TMEM214: variants seen among roughly 807,000 people sequenced by gnomAD.
TMEM214 encodes transmembrane protein 214.
In TMEM214, 71 loss-of-function variants were observed where a neutral mutation model predicts 89.8. The ratio of observed to expected loss-of-function variants is 0.79; its 90% confidence interval spans 0.65 to 0.96. The LOEUF (loss-of-function observed/expected upper bound fraction) is 0.96, where lower values mean the gene tolerates loss of function less well. TMEM214 is among the 40% of genes least tolerant of loss of function. The pLI is 0.00. For missense variants in TMEM214, 754 were observed against 843.4 expected, an observed-to-expected ratio of 0.89 and a Z score of 1.31; for synonymous variants, 332 against 349.5, an observed-to-expected ratio of 0.95 and a Z score of 0.56.
chr2:27,034,440 A>G, intron 2 of TMEM214, 174 bp downstream of exon 2: 2 of 707,540 alleles, frequency 2.8e-6, no homozygotes, highest in Non-Finnish European at 4.6e-6. Context: ...GCCTGCACTT[A>G]GAATAGAAAG....
chr2:27,037,213 G>C lies in TMEM214; in HGVS notation c.1010+35G>C, dbSNP rs559447754. 6.0e-6 allele frequency: 9 copies of C among 1,494,540 alleles called. 1 individual carries two copies. The South Asian group carries it at 9.0e-5, about 15-fold the overall frequency. The allele number at this position is 1,494,540 out of a possible 1,614,324, so 92.6% of individuals were successfully genotyped here. ...CTCTGGGGCACACCTGCTGAGAAGG[G>C]ACCACAGCACCAGAACCACACTACA... On this transcript the variant is annotated intron_variant, in intron 8 of 16. Coordinates refer to ENST00000238788, the MANE Select transcript of TMEM214 (RefSeq NM_017727.5).
chr2:27,035,950 G>C lies in TMEM214; in HGVS notation c.638-20G>C. On this transcript the variant is annotated intron_variant, in intron 4 of 16. Transcript: ENST00000238788. ...GATGCCAAATAATGTGAGTAGGTGTGAGAATGTGTATCTCTCCAGGGGAGT... is the reference window on the plus strand; with the variant it reads ...GATGCCAAATAATGTGAGTAGGTGTCAGAATGTGTATCTCTCCAGGGGAGT... 1 of 1,613,268 alleles carries C rather than the reference G, an allele frequency of 6.2e-7. No individual in the cohort carries two copies. The highest frequency in any genetic ancestry group is 1.1e-5 in the South Asian group (1 of 91,070).
Position 27,032,969 on chromosome 2 carries a change from C to T in TMEM214, c.-47C>T, listed in dbSNP as rs918569225. Reference sequence around the variant, plus strand: ...GTGGCAGAGTGCGGCGCGCTCGCGCCGGACCGGAAAGCCGGGGAAGTGGCC... The same window carrying T: ...GTGGCAGAGTGCGGCGCGCTCGCGCTGGACCGGAAAGCCGGGGAAGTGGCC... On this transcript the variant is annotated 5_prime_UTR_variant, in exon 1 of 17. Coordinates refer to ENST00000238788, the MANE Select transcript of TMEM214 (RefSeq NM_017727.5). The T allele has an allele frequency of 1.6e-6, 2 of 1,242,382 alleles. No individual in the cohort carries two copies. Among genetic ancestry groups the T allele is most frequent in the African/African-American group, 3.1e-5 (2 of 64,286 alleles). The allele number at this position is 1,242,382 out of a possible 1,614,324, so 77.0% of individuals were successfully genotyped here.
Position 27,035,586 on chromosome 2 carries a change from G to A in TMEM214, c.503-8G>A. 1 of 1,614,100 alleles carries A rather than the reference G, an allele frequency of 6.2e-7. No individual in the cohort carries two copies. Among genetic ancestry groups the A allele is most frequent in the African/African-American group, 1.3e-5 (1 of 75,026 alleles). On this transcript the variant is annotated splice_polypyrimidine_tract_variant and splice_region_variant and intron_variant, in intron 3 of 16. Transcript: ENST00000238788. ...CCTAGCACTCACATTGAGGCCTATG[G>A]GCCTTAGATTATCCCTACAGCCTGG...
At position 27,040,919 on chromosome 2, in the gene TMEM214, G is replaced by C. The variant is rs2148251565; in HGVS notation, c.*82G>C. 2 of 1,555,252 alleles carry C rather than the reference G, an allele frequency of 1.3e-6. No homozygotes were observed. Among genetic ancestry groups the C allele is most frequent in the Non-Finnish European group, 1.8e-6 (2 of 1,142,752 alleles). The stretch of plus-strand genomic sequence containing the variant: ...GGTAGAAGGTGGCAGTTCTTCATGG[G>C]AGTCTTTTTAACTTGGTGCCTGAGT... On this transcript the variant is annotated 3_prime_UTR_variant, in exon 17 of 17. Coordinates refer to ENST00000238788, the MANE Select transcript of TMEM214 (RefSeq NM_017727.5).
At chr2:27,035,902 C>A in intron 4 of TMEM214, 68 bp from the exon 5 acceptor site, 1 of 1,593,458 alleles carries the variant, frequency 6.3e-7, no homozygotes, top group Non-Finnish European at 8.6e-7. Context: ...TCACCGCTGA[C>A]AAATGGGAGA....
intron 2 of TMEM214, 62 bp downstream of exon 2, chr2:27,034,328 A>C: frequency 6.4e-7 from 1 of 1,555,026 alleles, no homozygotes; most frequent in African/African-American, 1.4e-5. Flanking sequence ...AGAAGATGAG[A>C]GGAGGGGGAG....
rs757548369 is a variant in TMEM214, at chr2:27,037,679, T to C, written c.1129T>C (p.Cys377Arg). ...TTTCCTGTCCAGAGCCACCCCTAGCTGTCCCCCTGAGATGAAGAAAGAGGT... is the reference window on the plus strand; with the variant it reads ...TTTCCTGTCCAGAGCCACCCCTAGCCGTCCCCCTGAGATGAAGAAAGAGGT... The part of the protein sequence containing the change: ...PSFLSRATPS[C>R]PPEMKKELLS... Residue 377 changes from cysteine to arginine, a missense_variant, in exon 9 of 17, where the codon TGT becomes CGT. By Grantham distance (180) the Cys-to-Arg change is radical. Transcript: ENST00000238788. The C allele has an allele frequency of 3.3e-5, 53 of 1,614,058 alleles. No individual in the cohort carries two copies. Among genetic ancestry groups the C allele is most frequent in the Non-Finnish European group, 4.2e-5 (49 of 1,180,040 alleles).
rs1186484587 is a variant in TMEM214, at chr2:27,039,085, G to A, written c.1446G>A (p.Trp482Ter). ...AGGTTCAGGGTCCTCGGCTGCCCTG[G>A]ACGCGGCTCCTCCTGTTGCTGCTGG... is the stretch of plus-strand genomic sequence containing the variant. ...LQQVQGPRLPWTRLLLLLLVF... is the reference protein window; with the variant it reads ...LQQVQGPRLP Residue 482 changes from tryptophan (W) to a stop codon, truncating the protein, a stop_gained, in exon 13 of 17, where the codon TGG becomes TGA. Transcript: ENST00000238788. LOFTEE classifies it high-confidence loss of function. 6.2e-7 allele frequency: 1 copy of A among 1,613,856 alleles called. No individual in the cohort carries two copies. The highest frequency in any genetic ancestry group is 1.7e-5 in the Admixed American group (1 of 60,030).
At chr2:27,033,285 G>C in intron 1 of TMEM214, 119 bp downstream of exon 1, 2 of 1,049,848 alleles carry the variant, frequency 1.9e-6, no homozygotes, top group Non-Finnish European at 1.2e-6. Flanking sequence ...CGCTTGCGTT[G>C]TCTCTTTGGA....
intron 7 of TMEM214, 72 bp from the exon 8 acceptor site, chr2:27,037,005 T>G: frequency 7.2e-7 from 1 of 1,390,224 alleles, no homozygotes; most frequent in Non-Finnish European, 1.0e-6. Context: ...GATGTTGGCT[T>G]AGCTGGGGTC....
intron 16 of TMEM214, 78 bp downstream of exon 16, chr2:27,040,574 C>T: frequency 1.3e-6 from 2 of 1,588,158 alleles, no homozygotes; most frequent in Admixed American, 1.7e-5. Context: ...CATCTCTATC[C>T]AGTCTCCCAC....
intron 1 of TMEM214, among the ~76,000 whole-genome samples, chr2:27,033,538 C>A (rs1003734966): frequency 1.3e-5 from 2 of 152,140 alleles, no homozygotes; most frequent in Admixed American, 6.5e-5. Context: ...ACGGTGCCCC[C>A]TCTTTAAGTA....
At position 27,033,131 on chromosome 2, in the gene TMEM214, G is replaced by T; in HGVS notation, c.116G>T (p.Gly39Val). The part of the protein sequence containing the change: ...RGGGRNRRAL[G>V]EANGVWKYDL... ...GGCGGCAGGAACCGCAGGGCGCTCGGGGAAGCAAACGGAGTGTGGAAATAC... is the reference window on the plus strand; with the variant it reads ...GGCGGCAGGAACCGCAGGGCGCTCGTGGAAGCAAACGGAGTGTGGAAATAC... The change falls in exon 1 of 17, where the codon GGG (glycine) becomes GTG (valine). Residue 39 changes from glycine (G) to valine (V), a missense_variant. By Grantham distance (109) the Gly-to-Val change is moderately radical. Transcript: ENST00000238788. 2 of 1,248,792 alleles carry T rather than the reference G, an allele frequency of 1.6e-6. No homozygotes were observed. The highest frequency in any genetic ancestry group is 2.0e-6 in the Non-Finnish European group (2 of 987,938). 77.4% of individuals were successfully genotyped at this position (1,248,792 alleles called of 1,614,324 possible).
At position 27,038,499 on chromosome 2, in the gene TMEM214, C is replaced by T. The variant is rs764168016; in HGVS notation, c.1260C>T (p.His420=). 5.6e-6 allele frequency: 9 copies of T among 1,613,994 alleles called. No homozygotes were observed. In the South Asian group the frequency reaches 7.7e-5, roughly 14 times the overall value. The change falls in exon 11 of 17, where the codon CAC becomes CAT. Residue 420 remains histidine, a synonymous_variant. Coordinates refer to ENST00000238788, the MANE Select transcript of TMEM214 (RefSeq NM_017727.5). This position sits in a 1 kb window ranked among gnomAD's most constrained non-coding sequence, Gnocchi z 4.4. ...HLSQSSLLLE[H]LLSSWEQIPK... ...TTCCCCACAGCCTTCTGCTGGAGCACTTGCTCAGCTCCTGGGAGCAGATTC... is the reference window on the plus strand; with the variant it reads ...TTCCCCACAGCCTTCTGCTGGAGCATTTGCTCAGCTCCTGGGAGCAGATTC...
chr2:27,037,760 T>C, intron 9 of TMEM214, 58 bp downstream of exon 9: 1 of 1,613,898 alleles, frequency 6.2e-7, no homozygotes, highest in South Asian at 1.1e-5. Flanking sequence ...TAGCGGTCCC[T>C]ATCTGCTGAC....
rs1410994790 is a variant in TMEM214, at chr2:27,037,516, C to G, written c.1011-45C>G. ...CAAGCAAAAGGTTCATATCATACAG[C>G]TCCACTTATAGCTTATGCCTGTCTT... On this transcript the variant is annotated intron_variant, in intron 8 of 16. Transcript: ENST00000238788. 7.4e-6 allele frequency: 12 copies of G among 1,613,036 alleles called. No homozygotes were observed. In the Admixed American group the frequency reaches 1.0e-4, roughly 13 times the overall value.
chr2:27,039,621 C>T (rs762917167), intron 13 of TMEM214, 120 bp from the exon 14 acceptor site: 214 of 883,160 alleles, frequency 2.4e-4, no homozygotes, highest in Non-Finnish European at 3.8e-4. Flanking sequence ...CTTTGTGGCC[C>T]TGTGAGAACA....
In TMEM214 at chr2:27,039,789, G is replaced by C; in HGVS notation, c.1574G>C (p.Ser525Thr). The C allele has an allele frequency of 5.0e-6, 8 of 1,614,216 alleles. No individual in the cohort carries two copies. Among genetic ancestry groups the C allele is most frequent in the Non-Finnish European group, 6.8e-6 (8 of 1,180,036 alleles). ...CGATCATCTGGCTTCTTACCTGCTA[G>C]CCAACAAGCGTGTGCCAAGCTCTAC... ...LLRSSGFLPA[S>T]QQACAKLYSY... The change falls in exon 14 of 17, where the codon AGC (serine) becomes ACC (threonine). Residue 525 changes from serine to threonine, a missense_variant. Physicochemically the swap from Ser to Thr is moderately conservative, Grantham distance 58. Transcript: ENST00000238788.
Sources: gnomAD v4.1 joint callset for allele counts (sites outside exome capture counted in the v4.1 genomes callset) on GRCh38, gnomAD v4.1.1 for gene constraint, Gnocchi (gnomAD v3.1) non-coding constraint, MANE v1.5 for transcripts, NCBI Gene and HGNC (gene_info 2026-07-23, HGNC 2026-07-21) for gene names.